Variants in GNAL observed in about 807,000 individuals in gnomAD.
The protein encoded by GNAL is G protein subunit alpha L.
GNAL carries 18 observed loss-of-function variants against 55.1 expected under a neutral mutation model. That is an observed-to-expected ratio of 0.33 (90% CI 0.23 to 0.48). The LOEUF (loss-of-function observed/expected upper bound fraction) is 0.48. GNAL is among the 20% of genes least tolerant of loss of function. The probability of loss-of-function intolerance (pLI) is 0.99; values close to 1 mark genes in which losing one functional copy is unlikely to be tolerated. For synonymous variants in GNAL, 253 were observed against 237.0 expected (o/e 1.07, Z -0.62); for missense variants, 412 against 614.1 (o/e 0.67, Z 3.48).
intron 5 of GNAL, among the ~76,000 whole-genome samples, chr18:11,844,087 T>C (rs2035678968): frequency 1.3e-5 from 2 of 152,176 alleles, no homozygotes; most frequent in Non-Finnish European, 2.9e-5. Flanking sequence ...TAATGACTCC[T>C]TACTTTACAT....
intron 4 of GNAL, among the ~76,000 whole-genome samples, chr18:11,776,122 T>C (rs2033776460): frequency 6.6e-6 from 1 of 152,200 alleles, no homozygotes. Context: ...CTTTGCTCAA[T>C]ATGACCTTGC....
rs937595681 is a variant in GNAL at position 11,807,158 on chromosome 18, CA to C, written c.625-17748del. Among the ~76,000 whole-genome samples, 351 of 136,034 alleles carry C rather than the reference CA, an allele frequency of 2.6e-3. 1 individual carries two copies. Among genetic ancestry groups the C allele is most frequent in the African/African-American group, 4.0e-3 (148 of 37,010 alleles). The allele number at this position is 136,034 out of a possible 152,430, so 89.2% of individuals were successfully genotyped here. On this transcript the variant is annotated intron_variant, in intron 4 of 11. Transcript: ENST00000334049. ...TGGGTGATAGAGCGAGACTCTGTCT[CA>C]AAAAAAAAAAAGAAAGAAAGAAAAG...
chr18:11,791,427 C>G (rs2034233653), intron 4 of GNAL, among the ~76,000 whole-genome samples: 1 of 152,154 alleles, frequency 6.6e-6, no homozygotes, highest in Non-Finnish European at 1.5e-5. Flanking sequence ...ATAAGGGATG[C>G]TTTTTGCCTT....
chr18:11,734,505 G>C (rs1018272224), intron 1 of GNAL, among the ~76,000 whole-genome samples: 8 of 151,892 alleles, frequency 5.3e-5, no homozygotes, highest in Non-Finnish European at 1.0e-4. Flanking sequence ...AATCATGTCT[G>C]GGCTCTGAGG....
intron 4 of GNAL, among the ~76,000 whole-genome samples, chr18:11,763,071 T>A (rs1207802755): frequency 6.6e-6 from 1 of 152,270 alleles, no homozygotes; most frequent in Non-Finnish European, 1.5e-5. Flanking sequence ...AATTCCATTT[T>A]TTTCTTTGCA....
rs1296559699 is a variant in GNAL at position 11,883,825 on chromosome 18, G to GTATT, written c.*2691_*2694dup. ...GATTCTCCTGCCTCAGCCTCAGCTGGTATTATAGGCACTTGCTACCATGCT... is the reference window on the plus strand; with the variant it reads ...GATTCTCCTGCCTCAGCCTCAGCTGGTATTTATTATAGGCACTTGCTACCATGCT... On this transcript the variant is annotated 3_prime_UTR_variant, in exon 12 of 12. Coordinates refer to ENST00000334049, the MANE Select transcript of GNAL (RefSeq NM_182978.4). 1 of 149,870 alleles carries GTATT rather than the reference G, an allele frequency of 6.7e-6. No homozygotes were observed. 9.3% of individuals were successfully genotyped at this position (149,870 alleles called of 1,614,324 possible).
intron 4 of GNAL, among the ~76,000 whole-genome samples, chr18:11,808,938 G>A (rs757894776): frequency 2.6e-5 from 4 of 152,324 alleles, no homozygotes; most frequent in South Asian, 2.1e-4. Flanking sequence ...TATAGGAAAC[G>A]TCCAGCATAG....
At position 11,739,155 on chromosome 18, in the gene GNAL, G is replaced by A. The variant is rs569803507; in HGVS notation, c.377-13698G>A. Among the ~76,000 whole-genome samples the A allele has an allele frequency of 2.6e-5, 4 of 152,288 alleles. No individual in the cohort carries two copies. The South Asian group carries it at 8.3e-4, about 32-fold the overall frequency. The stretch of plus-strand genomic sequence containing the variant: ...AATTCTTACAGAGCAGAGCATCTGA[G>A]GCTGTTCTCATTATTCAACTTTTCA... On this transcript the variant is annotated intron_variant, in intron 1 of 11. Coordinates refer to ENST00000334049, the MANE Select transcript of GNAL (RefSeq NM_182978.4).
At chr18:11,803,664 A>G (rs944840860) in intron 4 of GNAL, among the ~76,000 whole-genome samples, 1 of 151,964 alleles carries the variant, frequency 6.6e-6, no homozygotes, top group Non-Finnish European at 1.5e-5. Context: ...GGTGAAGTAC[A>G]GGTGCAGTTT....
chr18:11,835,602 A>G (rs111398038), intron 5 of GNAL, among the ~76,000 whole-genome samples: 32 of 152,284 alleles, frequency 2.1e-4, no homozygotes, highest in African/African-American at 5.5e-4. Flanking sequence ...GGGGGAATAA[A>G]GAAAAATATG....
chr18:11,741,323 A>G (rs1366906024), intron 1 of GNAL, among the ~76,000 whole-genome samples: 3 of 152,246 alleles, frequency 2.0e-5, no homozygotes, highest in Non-Finnish European at 4.4e-5. Flanking sequence ...GGTGCATTCT[A>G]TAATCATCAA....
chr18:11,851,443 C>T (rs936902227), intron 5 of GNAL: 3 of 1,456,582 alleles, frequency 2.1e-6, no homozygotes, highest in African/African-American at 1.4e-5. Flanking sequence ...CGGGAGCGGA[C>T]TTACCTTACC....
intron 5 of GNAL, among the ~76,000 whole-genome samples, chr18:11,841,990 G>C: frequency 7.2e-6 from 1 of 138,100 alleles, no homozygotes; most frequent in East Asian, 2.1e-4. Context: ...TTTTTTTTTT[G>C]AGACGGAGTT....
chr18:11,708,529 A>G (rs367697302), intron 1 of GNAL, among the ~76,000 whole-genome samples: 18 of 152,350 alleles, frequency 1.2e-4, no homozygotes, highest in African/African-American at 3.8e-4. Context: ...GAATATTGCA[A>G]AGATTACCAA....
chr18:11,829,937 G>A (rs2035340563), intron 5 of GNAL, among the ~76,000 whole-genome samples: 1 of 152,152 alleles, frequency 6.6e-6, no homozygotes, highest in South Asian at 2.1e-4. Context: ...TTGAACCTGG[G>A]AGGCAGAGGT....
chr18:11,689,667 C>A lies in GNAL; in HGVS notation c.104C>A (p.Ala35Asp). The change falls in exon 1 of 12, where the codon GCC (alanine) becomes GAC (aspartate). Residue 35 changes from alanine (A) to aspartate (D), a missense_variant. By Grantham distance (126) the Ala-to-Asp change is moderately radical. Around this residue, in one of 5 missense-constraint regions of GNAL, gnomAD observed 228 missense variants for 194.8 expected, o/e 1.17. Coordinates refer to ENST00000334049, the MANE Select transcript of GNAL (RefSeq NM_182978.4). Reference sequence around the variant, plus strand: ...GTGGAGGACGCGCAGCCCGCCCCGGCCCCGGCCCTGGCCCCAGTCCGGGCG... The same window carrying A: ...GTGGAGGACGCGCAGCCCGCCCCGGACCCGGCCCTGGCCCCAGTCCGGGCG... ...PPVEDAQPAP[A>D]PALAPVRAAA... 6.9e-7 allele frequency: 1 copy of A among 1,442,380 alleles called. No homozygotes were observed. Among genetic ancestry groups the A allele is most frequent in the Non-Finnish European group, 9.1e-7 (1 of 1,103,732 alleles). The allele number at this position is 1,442,380 out of a possible 1,614,324, so 89.3% of individuals were successfully genotyped here.
intron 5 of GNAL, among the ~76,000 whole-genome samples, chr18:11,838,615 G>GTC (rs1292071846): frequency 1.3e-5 from 2 of 152,156 alleles, no homozygotes; most frequent in African/African-American, 4.8e-5. Flanking sequence ...GATCATTCGA[G>GTC]TCTGCCTAAT....
Position 11,732,884 on chromosome 18 carries a change from A to G in GNAL, c.377-19969A>G, listed in dbSNP as rs538932945. 2.6e-5 allele frequency among the ~76,000 whole-genome samples: 4 copies of G among 152,266 alleles called. No individual in the cohort carries two copies. In the South Asian group the frequency reaches 6.2e-4, roughly 24 times the overall value. On this transcript the variant is annotated intron_variant, in intron 1 of 11. Coordinates refer to ENST00000334049, the MANE Select transcript of GNAL (RefSeq NM_182978.4). ...CAGAAGCACAGGGAAATTCACGAAG[A>G]GGGAAACAGCAAAAATAGAAAGGCG...
At chr18:11,810,125 T>C (rs1300462343) in intron 4 of GNAL, among the ~76,000 whole-genome samples, 2 of 152,218 alleles carry the variant, frequency 1.3e-5, no homozygotes, top group East Asian at 1.9e-4. Context: ...GCAGGGCGGC[T>C]CACGCCTATA....
Sources: allele counts gnomAD v4.1 joint callset (sites outside exome capture counted in the v4.1 genomes callset), GRCh38; gene constraint gnomAD v4.1.1; regional missense constraint gnomAD v4.1.1; transcripts MANE v1.5; gene names NCBI Gene and HGNC (gene_info 2026-07-23, HGNC 2026-07-21).